Variants in TUBGCP5 observed in about 807,000 individuals in gnomAD.
The protein encoded by TUBGCP5 is gamma-tubulin complex component 5.
TUBGCP5 carries 98 observed loss-of-function variants against 134.7 expected under a neutral mutation model. That is an observed-to-expected ratio of 0.73 (90% confidence interval 0.62 to 0.86). The LOEUF (loss-of-function observed/expected upper bound fraction) is 0.86, where lower values mean the gene tolerates loss of function less well. TUBGCP5 is among the 40% of genes least tolerant of loss of function. TUBGCP5 has a pLI of 0.00. For missense variants in TUBGCP5, 1,150 were observed against 1,244.8 expected (o/e 0.92, Z 1.15); for synonymous variants, 456 against 431.4 (o/e 1.06, Z -0.71).
chr15:23,021,090 T>C (rs965872257), intron 11 of TUBGCP5, among the ~76,000 whole-genome samples: 1 of 152,142 alleles, frequency 6.6e-6, no homozygotes, highest in African/African-American at 2.4e-5. Flanking sequence ...GGTTTCACCA[T>C]GTTGGCCAGG....
chr15:23,019,192 G>A (rs1256749780), intron 12 of TUBGCP5, 27 bp downstream of exon 12: 1 of 1,549,510 alleles, frequency 6.5e-7, no homozygotes, highest in African/African-American at 1.4e-5. Context: ...CCAGCCCCCA[G>A]TGACCTTGTG....
rs200342022 is a variant in TUBGCP5, at chr15:23,000,604, A to C, written c.2993T>G (p.Leu998Ter). 3 of 1,611,522 alleles carry C rather than the reference A, an allele frequency of 1.9e-6. No homozygotes were observed. In the African/African-American group the frequency reaches 4.0e-5, roughly 21 times the overall value. ...GGATCCTCTACAGACGGCTTTGTTT[A>C]AAATGGTTACAAGAAACATATGGCA... Reference protein sequence around the residue: ...KNCHMFLVTILNKAVCRGSFP... With the variant: ...KNCHMFLVTI Residue 998 changes from leucine (L) to a stop codon, truncating the protein, a stop_gained, in exon 22 of 23, where the codon TTA (leucine) becomes TGA (stop). Transcript: ENST00000615383. LOFTEE classifies it high-confidence loss of function.
intron 8 of TUBGCP5, 117 bp from the exon 9 acceptor site, chr15:23,024,947 G>T: frequency 1.6e-6 from 1 of 644,612 alleles, no homozygotes; most frequent in Non-Finnish European, 2.8e-6. Context: ...ACCCACCCAG[G>T]CTGGAGTGCA....
At chr15:22,985,460 C>T (rs555736257) in intron 23 of TUBGCP5, among the ~76,000 whole-genome samples, 43 of 152,040 alleles carry the variant, frequency 2.8e-4, no homozygotes, top group African/African-American at 1.0e-3. Context: ...TCAGGTGATC[C>T]GCCTGCCTCG....
intron 12 of TUBGCP5, 108 bp downstream of exon 12, chr15:23,019,111 A>C: frequency 1.4e-6 from 1 of 717,168 alleles, no homozygotes; most frequent in Non-Finnish European, 2.3e-6. Flanking sequence ...CTGTGATGTG[A>C]ACTGTGCTTT....
chr15:23,024,121 C>A lies in TUBGCP5; in HGVS notation c.994G>T (p.Asp332Tyr). 6.2e-7 allele frequency: 1 copy of A among 1,614,150 alleles called. No homozygotes were observed. The highest frequency in any genetic ancestry group is 8.5e-7 in the Non-Finnish European group (1 of 1,180,016). ...QVVFRLQEFI[D>Y]EVMGHSSESM... is the part of the protein sequence containing the mutation. ...TCAGAACTGTGTCCCATGACTTCAT[C>A]AATGAACTCCTGGAGTCGAAACACA... The change falls in exon 10 of 23, where the codon GAT becomes TAT. Residue 332 changes from aspartate to tyrosine, a missense_variant. Coordinates refer to ENST00000615383, the MANE Select transcript of TUBGCP5 (RefSeq NM_052903.6).
At chr15:22,990,648 A>T (rs79920945) in intron 23 of TUBGCP5, among the ~76,000 whole-genome samples, 2,234 of 152,196 alleles carry the variant, frequency 0.015, 61 homozygotes, top group African/African-American at 0.052. Context: ...AACTGTAATA[A>T]ATTTCTCCTG....
At chr15:23,038,627 A>C (rs913400907) in intron 1 of TUBGCP5, among the ~76,000 whole-genome samples, 8 of 152,208 alleles carry the variant, frequency 5.3e-5, no homozygotes, top group Admixed American at 1.3e-4. Context: ...AAAACTGTTC[A>C]TTATTCAAGA....
At chr15:22,998,692 G>A (rs1223915210), downstream of TUBGCP5, among the ~76,000 whole-genome samples, 4 of 151,790 alleles carry the variant, frequency 2.6e-5, no homozygotes, top group African/African-American at 4.8e-5. Context: ...TAGGCTCACC[G>A]CAACCTCTGC....
chr15:23,035,264 G>A (rs28626067), intron 3 of TUBGCP5, among the ~76,000 whole-genome samples: 5,406 of 149,412 alleles, frequency 0.036, 234 homozygotes, highest in African/African-American at 0.1. Context: ...GGGAAGTGGG[G>A]GTTGCAATGA....
intron 11 of TUBGCP5, 87 bp from the exon 12 acceptor site, chr15:23,019,421 A>G: frequency 1.2e-6 from 1 of 812,798 alleles, no homozygotes; most frequent in Non-Finnish European, 2.1e-6. Context: ...AAATGCCTTT[A>G]AAAAAGTGAT....
intron 13 of TUBGCP5, among the ~76,000 whole-genome samples, chr15:23,016,204 T>C (rs1031307736): frequency 7.2e-5 from 11 of 152,258 alleles, no homozygotes; most frequent in African/African-American, 2.6e-4. Context: ...AAGAATTCAA[T>C]GAATGAGGCC....
chr15:22,988,154 A>AAG (rs948842186), intron 23 of TUBGCP5, among the ~76,000 whole-genome samples: 14 of 43,468 alleles, frequency 3.2e-4, no homozygotes, highest in African/African-American at 1.7e-3. Flanking sequence ...TTATATGAAG[A>AAG]AAGAGTCTTA....
intron 16 of TUBGCP5, among the ~76,000 whole-genome samples, chr15:23,007,225 A>T (rs952358421): frequency 2.0e-5 from 3 of 152,046 alleles, no homozygotes; most frequent in African/African-American, 7.3e-5. Flanking sequence ...AACCCAGTGA[A>T]ACCCCGTCTC....
Position 23,004,052 on chromosome 15 carries a change from A to G in TUBGCP5, c.2838+50T>C, listed in dbSNP as rs2064555068. The G allele has an allele frequency of 3.2e-6, 5 of 1,551,192 alleles. No homozygotes were observed. The East Asian group carries it at 1.2e-4, about 36-fold the overall frequency. On this transcript the variant is annotated intron_variant, in intron 20 of 22. Transcript: ENST00000615383. ...TCATAAAATTCCAAAGCACGCAGAC[A>G]GCGCCACTCGCCCAGCAGTGGCCAC...
At chr15:23,016,601 T>G (rs2065336294) in intron 13 of TUBGCP5, among the ~76,000 whole-genome samples, 1 of 151,800 alleles carries the variant, frequency 6.6e-6, no homozygotes, top group Admixed American at 6.6e-5. Context: ...CACTAATTAT[T>G]AGGGAAAATG....
At position 23,031,475 on chromosome 15, in the gene TUBGCP5, C is replaced by T. The variant is rs1011438054; in HGVS notation, c.487-455G>A. ...GGGATTACAGGCGTGTACCACCACACCCAGCTAATTTTTTGTATTCTTAGT... is the reference window on the plus strand; with the variant it reads ...GGGATTACAGGCGTGTACCACCACATCCAGCTAATTTTTTGTATTCTTAGT... On this transcript the variant is annotated intron_variant, in intron 5 of 22. Transcript: ENST00000615383. 4.6e-5 allele frequency among the ~76,000 whole-genome samples: 7 copies of T among 152,210 alleles called. No individual in the cohort carries two copies. In the East Asian group the frequency reaches 5.8e-4, roughly 13 times the overall value.
intron 7 of TUBGCP5, among the ~76,000 whole-genome samples, chr15:23,026,681 CCA>C (rs2140600287): frequency 6.6e-6 from 1 of 152,254 alleles, no homozygotes; most frequent in South Asian, 2.1e-4. Flanking sequence ...GCCTGTAATT[CCA>C]GCACTTTGGG....
chr15:22,996,452 G>A (rs36009080), downstream of TUBGCP5, among the ~76,000 whole-genome samples: 13,455 of 151,988 alleles, frequency 0.089, 1,040 homozygotes, highest in East Asian at 0.45. Context: ...CACATCAGCC[G>A]GGGAACATAG....
Sources: gnomAD v4.1 joint callset for allele counts (sites outside exome capture counted in the v4.1 genomes callset) on GRCh38, gnomAD v4.1.1 for gene constraint, MANE v1.5 for transcripts, NCBI Gene and HGNC (gene_info 2026-07-23, HGNC 2026-07-21) for gene names.